HTD2: variants seen among roughly 807,000 people sequenced by gnomAD.
The protein encoded by HTD2 is hydroxyacyl-thioester dehydratase type 2.
A neutral mutation model predicts 3.1 loss-of-function variants in HTD2; 1 was observed. That is an observed-to-expected ratio of 0.32 (90% CI 0.11 to 1.52). The LOEUF (loss-of-function observed/expected upper bound fraction) is 1.52. Among genes scored for constraint, HTD2 ranks in the 40% most tolerant of loss-of-function variants. The pLI, the probability that HTD2 is intolerant of heterozygous loss-of-function variation, is 0.39. For missense variants in HTD2, 150 were observed against 79.6 expected, an observed-to-expected ratio of 1.88 and a Z score of -3.36; for synonymous variants, 50 against 28.9, an observed-to-expected ratio of 1.73 and a Z score of -2.34.
chr3:58,315,261 T>C (rs867652701), intron 2 of HTD2, among the ~76,000 whole-genome samples: 7 of 152,272 alleles, frequency 4.6e-5, no homozygotes, highest in Middle Eastern at 6.8e-3. Flanking sequence ...CAGAGAATTA[T>C]GCTGAGCGAA....
chr3:58,307,349 A>T (rs577363189), intron 1 of HTD2, among the ~76,000 whole-genome samples: 119 of 152,338 alleles, frequency 7.8e-4, no homozygotes, highest in Admixed American at 3.2e-3. Flanking sequence ...CGCCGTAGGG[A>T]TGGAGAAGCG....
chr3:58,310,275 A>C, intron 1 of HTD2: 2 of 1,499,838 alleles, frequency 1.3e-6, no homozygotes. Flanking sequence ...TAGCATGTGC[A>C]TTGGTCATTT....
At chr3:58,312,674 T>A (rs1401763091) in intron 2 of HTD2, among the ~76,000 whole-genome samples, 1 of 151,996 alleles carries the variant, frequency 6.6e-6, no homozygotes, top group Non-Finnish European at 1.5e-5. Context: ...GAAAGTCTCC[T>A]TATGGGCCAG....
chr3:58,309,476 T>TA (rs2107499791), intron 1 of HTD2, among the ~76,000 whole-genome samples: 1 of 152,358 alleles, frequency 6.6e-6, no homozygotes, highest in South Asian at 2.1e-4. Context: ...ATTATGTTGT[T>TA]ATGTTTTAAG....
At chr3:58,309,836 G>A (rs2097480160) in intron 1 of HTD2, among the ~76,000 whole-genome samples, 1 of 152,042 alleles carries the variant, frequency 6.6e-6, no homozygotes, top group Non-Finnish European at 1.5e-5. Flanking sequence ...AGGTTGCAGT[G>A]AGCCAAGATT....
rs1173560924 is a variant in HTD2 at position 58,317,772 on chromosome 3, G to A, written c.159G>A (p.Val53=). The A allele has an allele frequency of 2.8e-6, 2 of 702,994 alleles. No individual in the cohort carries two copies. The highest frequency in any genetic ancestry group is 1.5e-5 in the South Asian group (1 of 67,608). The allele number at this position is 702,994 out of a possible 1,614,324, so 43.5% of individuals were successfully genotyped here. A position where few individuals can be genotyped will look rare whatever the true frequency, so the allele number is the denominator to read the frequency against. Reference sequence around the variant, plus strand: ...GGAGGGCCTTCACACAGACTGATGTGGCTACCTTCTCAGAATTAACAGGGG... The same window carrying A: ...GGAGGGCCTTCACACAGACTGATGTAGCTACCTTCTCAGAATTAACAGGGG... ...ELRRAFTQTD[V]ATFSELTGDV... Residue 53 remains valine (V), a synonymous_variant, in exon 5 of 5, where the codon GTG becomes GTA. Coordinates refer to ENST00000461393, the MANE Select transcript of HTD2 (RefSeq NM_001348712.2).
intron 1 of HTD2, among the ~76,000 whole-genome samples, chr3:58,306,957 C>T (rs1418063545): frequency 1.3e-5 from 2 of 152,064 alleles, no homozygotes; most frequent in African/African-American, 2.4e-5. Flanking sequence ...GGGTGGGGTG[C>T]GGTGTTAGCC....
rs1454640113 is a variant in HTD2 at position 58,317,775 on chromosome 3, T to C, written c.162T>C (p.Ala54=). 1 of 703,176 alleles carries C rather than the reference T, an allele frequency of 1.4e-6. No individual in the cohort carries two copies. The highest frequency in any genetic ancestry group is 2.0e-5 in the Admixed American group (1 of 50,020). 43.6% of individuals were successfully genotyped at this position (703,176 alleles called of 1,614,324 possible). A position where few individuals can be genotyped will look rare whatever the true frequency, so the allele number is the denominator to read the frequency against. Residue 54 remains alanine, a synonymous_variant, in exon 5 of 5, where the codon GCT becomes GCC. Coordinates refer to ENST00000461393, the MANE Select transcript of HTD2 (RefSeq NM_001348712.2). The part of the protein sequence containing the change: ...LRRAFTQTDV[A]TFSELTGDVN... ...GGGCCTTCACACAGACTGATGTGGC[T>C]ACCTTCTCAGAATTAACAGGGGATG...
Position 58,318,341 on chromosome 3 carries a change from TTTTG to T in HTD2, c.*229_*232del, listed in dbSNP as rs2097490567. 7.1e-6 allele frequency: 3 copies of T among 421,598 alleles called. No individual in the cohort carries two copies. The South Asian group carries it at 1.8e-4, about 25-fold the overall frequency. 26.1% of individuals were successfully genotyped at this position (421,598 alleles called of 1,614,324 possible). On this transcript the variant is annotated 3_prime_UTR_variant, in exon 5 of 5. Coordinates refer to ENST00000461393, the MANE Select transcript of HTD2 (RefSeq NM_001348712.2). ...CAGGATTTCATTATCTGCCTGGGTT[TTTTG>T]TTTGTTTTTTGTTTTTTAATTCAAG...
rs2097491086 is a variant in HTD2 at position 58,318,645 on chromosome 3, A to G, written c.*525A>G. 1 of 152,458 alleles carries G rather than the reference A, an allele frequency of 6.6e-6. No homozygotes were observed. Among genetic ancestry groups the G allele is most frequent in the Non-Finnish European group, 1.5e-5 (1 of 68,422 alleles). The allele number at this position is 152,458 out of a possible 1,614,324, so 9.4% of individuals were successfully genotyped here. A position where few individuals can be genotyped will look rare whatever the true frequency, so the allele number is the denominator to read the frequency against. ...AACTGAGATTGCACCACTGCACTGT[A>G]GCCTGAGTGACAGAGCGAGACCCTG... On this transcript the variant is annotated 3_prime_UTR_variant, in exon 5 of 5. Transcript: ENST00000461393.
rs2097491271 is a variant in HTD2 at position 58,318,809 on chromosome 3, G to A, written c.*689G>A. 6.6e-6 allele frequency: 1 copy of A among 152,006 alleles called. No individual in the cohort carries two copies. The highest frequency in any genetic ancestry group is 2.1e-4 in the South Asian group (1 of 4,822). 9.4% of individuals were successfully genotyped at this position (152,006 alleles called of 1,614,324 possible). A position where few individuals can be genotyped will look rare whatever the true frequency, so the allele number is the denominator to read the frequency against. On this transcript the variant is annotated 3_prime_UTR_variant, in exon 5 of 5. Coordinates refer to ENST00000461393, the MANE Select transcript of HTD2 (RefSeq NM_001348712.2). Reference sequence around the variant, plus strand: ...GAGGTCAGGAGTTCAAGACCAGCCTGGCCAACATGTGAAACCCCATCTCTA... The same window carrying A: ...GAGGTCAGGAGTTCAAGACCAGCCTAGCCAACATGTGAAACCCCATCTCTA...
intron 2 of HTD2, among the ~76,000 whole-genome samples, chr3:58,311,808 C>T (rs2097482552): frequency 6.6e-6 from 1 of 151,554 alleles, no homozygotes; most frequent in African/African-American, 2.4e-5. Flanking sequence ...GATTTCCTTT[C>T]TCTTGGATTT....
At chr3:58,308,326 C>T (rs1314741587) in intron 1 of HTD2, among the ~76,000 whole-genome samples, 1 of 152,164 alleles carries the variant, frequency 6.6e-6, no homozygotes, top group African/African-American at 2.4e-5. Context: ...CTCTGTCACC[C>T]AGGCTGGAGT....
At chr3:58,307,696 AAAC>A (rs1393011425) in intron 1 of HTD2, 2 of 152,250 alleles carry the variant, frequency 1.3e-5, no homozygotes, top group African/African-American at 4.8e-5. Flanking sequence ...ATCTCAAAAC[AAAC>A]AACAAGACTG....
In HTD2 at chr3:58,320,169, T is replaced by C. The variant is rs1414386874; in HGVS notation, c.*2049T>C. 6.6e-6 allele frequency: 1 copy of C among 152,144 alleles called. No homozygotes were observed. Among genetic ancestry groups the C allele is most frequent in the African/African-American group, 2.4e-5 (1 of 41,396 alleles). 9.4% of individuals were successfully genotyped at this position (152,144 alleles called of 1,614,324 possible). ...TACATCATTTTATTTTATGGCTGAA[T>C]AATATTCCATTGTATTTACCCATAC... On this transcript the variant is annotated 3_prime_UTR_variant, in exon 5 of 5. Coordinates refer to ENST00000461393, the MANE Select transcript of HTD2 (RefSeq NM_001348712.2).
chr3:58,310,282 A>C (rs1327598249), intron 1 of HTD2: 2 of 1,550,156 alleles, frequency 1.3e-6, no homozygotes. Context: ...TGCATTGGTC[A>C]TTTCTAGCCC....
chr3:58,308,115 T>C (rs2097477645), intron 1 of HTD2: 1 of 152,220 alleles, frequency 6.6e-6, no homozygotes, highest in African/African-American at 2.4e-5. Context: ...TGAGGTTTCT[T>C]GTTCTCCCTG....
Position 58,319,857 on chromosome 3 carries a change from C to T in HTD2, c.*1737C>T, listed in dbSNP as rs2097492664. On this transcript the variant is annotated 3_prime_UTR_variant, in exon 5 of 5. Transcript: ENST00000461393. ...ATAATTCACATACCATAAAATTCACCTTTTAAAAGTGTACAGTTTAGTGGT... is the reference window on the plus strand; with the variant it reads ...ATAATTCACATACCATAAAATTCACTTTTTAAAAGTGTACAGTTTAGTGGT... 2 of 152,010 alleles carry T rather than the reference C, an allele frequency of 1.3e-5. No individual in the cohort carries two copies. The highest frequency in any genetic ancestry group is 4.8e-5 in the African/African-American group (2 of 41,372). The allele number at this position is 152,010 out of a possible 1,614,324, so 9.4% of individuals were successfully genotyped here.
At chr3:58,313,430 T>C (rs1229150005) in intron 2 of HTD2, among the ~76,000 whole-genome samples, 1 of 152,196 alleles carries the variant, frequency 6.6e-6, no homozygotes, top group Non-Finnish European at 1.5e-5. Context: ...GAAGACAGGA[T>C]GCTCAGGAAA....
Sources: allele counts gnomAD v4.1 joint callset (sites outside exome capture counted in the v4.1 genomes callset), GRCh38; gene constraint gnomAD v4.1.1; transcripts MANE v1.5; gene names NCBI Gene and HGNC (gene_info 2026-07-23, HGNC 2026-07-21).